The following TNS1 variants were observed in gnomAD, a reference collection of about 807,000 sequenced individuals.
TNS1 encodes the protein tensin 1.
TNS1 carries 62 observed loss-of-function variants against 168.6 expected under a neutral mutation model. That is an observed-to-expected ratio of 0.37 (90% confidence interval 0.30 to 0.45). The LOEUF (loss-of-function observed/expected upper bound fraction) is 0.45, where lower values mean the gene tolerates loss of function less well. Among genes scored for constraint, TNS1 ranks in the 20% least tolerant of loss-of-function variants. The pLI, the probability that TNS1 is intolerant of heterozygous loss-of-function variation, is 1.00. For missense variants in TNS1, 2,240 were observed against 2,339.4 expected, an observed-to-expected ratio of 0.96 and a Z score of 0.88; for synonymous variants, 934 against 933.2, an observed-to-expected ratio of 1.00 and a Z score of -0.02.
intron 3 of TNS1, among the ~76,000 whole-genome samples, chr2:217,954,177 T>C (rs1957306303): frequency 6.6e-6 from 1 of 152,184 alleles, no homozygotes; most frequent in African/African-American, 2.4e-5. Flanking sequence ...GTGCCGCATG[T>C]GGAAGGAGGC....
intron 18 of TNS1, among the ~76,000 whole-genome samples, chr2:217,858,102 A>C (rs1948372394): frequency 6.6e-6 from 1 of 152,162 alleles, no homozygotes; most frequent in South Asian, 2.1e-4. Flanking sequence ...GTCCTGAATA[A>C]CATCTCACCA....
chr2:217,991,282 G>A (rs200849199), intron 1 of TNS1, among the ~76,000 whole-genome samples: 2 of 151,712 alleles, frequency 1.3e-5, no homozygotes, highest in East Asian at 1.9e-4. Flanking sequence ...GACGGCAGCT[G>A]GAGAGTCCAG....
chr2:217,966,308 TGCGCGCGCGC>T (rs1553621681), intron 3 of TNS1, among the ~76,000 whole-genome samples: 2 of 133,672 alleles, frequency 1.5e-5, no homozygotes, highest in Non-Finnish European at 1.6e-5. Flanking sequence ...TGTGTGTGTG[TGCGCGCGCGC>T]GCGTGTGTAA....
At chr2:217,960,623 C>T (rs1957472948) in intron 3 of TNS1, among the ~76,000 whole-genome samples, 1 of 152,192 alleles carries the variant, frequency 6.6e-6, no homozygotes, top group Non-Finnish European at 1.5e-5. Flanking sequence ...TCCACACCTC[C>T]AGACACACAC....
intron 20 of TNS1, 56 bp from the exon 21 acceptor site, chr2:217,835,222 C>T (rs766991893): frequency 1.3e-6 from 2 of 1,533,984 alleles, no homozygotes; most frequent in East Asian, 2.4e-5. Context: ...AGAGATTTCC[C>T]CTTCAGATGA....
chr2:217,815,072 C>A, intron 24 of TNS1, 74 bp from the exon 25 acceptor site: 3 of 1,234,290 alleles, frequency 2.4e-6, no homozygotes, highest in Non-Finnish European at 3.5e-6. Flanking sequence ...AAGTCCTGGC[C>A]CCCAGTGCTT....
At chr2:218,019,539 G>A (rs765003704) in intron 1 of TNS1, among the ~76,000 whole-genome samples, 1 of 152,172 alleles carries the variant, frequency 6.6e-6, no homozygotes, top group Non-Finnish European at 1.5e-5. Flanking sequence ...AGGACTCACG[G>A]GGCCTCTTTC....
At chr2:217,934,099 T>C (rs1320936943) in intron 3 of TNS1, among the ~76,000 whole-genome samples, 2 of 152,094 alleles carry the variant, frequency 1.3e-5, no homozygotes, top group Non-Finnish European at 2.9e-5. Flanking sequence ...AGCGGAGAAA[T>C]GTGTTGGCCA....
At chr2:218,010,472 C>G (rs1958696207), upstream of TNS1, 1 of 331,886 alleles carries the variant, frequency 3.0e-6, no homozygotes, top group Non-Finnish European at 5.4e-6. Context: ...CTTACACCCT[C>G]AGGGACTCTT....
intron 3 of TNS1, among the ~76,000 whole-genome samples, chr2:217,926,853 C>G (rs373590378): frequency 3.3e-5 from 5 of 152,224 alleles, no homozygotes; most frequent in Admixed American, 6.5e-5. Flanking sequence ...GGTATCAGGG[C>G]TCACCCAGGT....
In TNS1 at chr2:217,880,410, G is replaced by C. The variant is rs1394863834; in HGVS notation, c.1429+488C>G. Among the ~76,000 whole-genome samples, 4 of 152,140 alleles carry C rather than the reference G, an allele frequency of 2.6e-5. No homozygotes were observed. The highest frequency in any genetic ancestry group is 6.5e-5 in the Admixed American group (1 of 15,288). ...AAAGCTTGTAGGCCCTAGATCCTGT[G>C]CCTCTGTTCCTAGTACTCTGACCCC... On this transcript the variant is annotated intron_variant, in intron 18 of 32. Transcript: ENST00000682258. The surrounding 1 kb of genome is among the most constrained non-coding windows in gnomAD (Gnocchi z 4.2).
intron 1 of TNS1, among the ~76,000 whole-genome samples, chr2:218,029,060 C>T (rs186064949): frequency 5.1e-4 from 78 of 152,322 alleles, no homozygotes; most frequent in African/African-American, 1.4e-3. Flanking sequence ...ATAGAGGGTG[C>T]AGCCCTATCT....
At chr2:217,822,946 G>A (rs1169222299) in intron 22 of TNS1, among the ~76,000 whole-genome samples, 1 of 152,204 alleles carries the variant, frequency 6.6e-6, no homozygotes, top group Non-Finnish European at 1.5e-5. Context: ...CCCTGTCCCT[G>A]TCTTACCCAG....
In TNS1 at chr2:217,810,032, G is replaced by A. The variant is rs151038574; in HGVS notation, c.5105-41C>T. 2.5e-4 allele frequency: 396 copies of A among 1,600,162 alleles called. 2 individuals carry two copies. The African/African-American group carries it at 4.1e-3, about 17-fold the overall frequency. ...CCAAGGGGGAGTCATGGGAGCTGGC[G>A]TGGGTGAGGACATTAACCCAGATCC... is the stretch of plus-strand genomic sequence containing the variant. On this transcript the variant is annotated intron_variant, in intron 29 of 32. Coordinates refer to ENST00000682258, the MANE Select transcript of TNS1 (RefSeq NM_001387777.1).
chr2:217,977,204 T>C (rs1957917657), intron 3 of TNS1, among the ~76,000 whole-genome samples: 1 of 151,152 alleles, frequency 6.6e-6, no homozygotes, highest in Non-Finnish European at 1.5e-5. Context: ...AGTTCTGGAG[T>C]TTAAGGCAAA....
intron 32 of TNS1, among the ~76,000 whole-genome samples, chr2:217,805,118 T>C (rs1938252971): frequency 6.6e-6 from 1 of 150,778 alleles, no homozygotes; most frequent in Non-Finnish European, 1.5e-5. Context: ...CTTCCTGGGC[T>C]CAAGAACCTT....
chr2:217,985,363 C>T (rs1426946098), intron 2 of TNS1: 1 of 152,134 alleles, frequency 6.6e-6, no homozygotes, highest in Non-Finnish European at 1.5e-5. Context: ...TTTAATCCCA[C>T]AGTACCTGAT....
intron 2 of TNS1, 132 bp from the exon 3 acceptor site, chr2:217,978,934 GGA>G: frequency 1.5e-6 from 1 of 660,060 alleles, no homozygotes; most frequent in African/African-American, 1.8e-5. Flanking sequence ...ACGGAGGGAA[GGA>G]GAGAGGGAGA....
chr2:218,012,886 G>A (rs1021495092), upstream of TNS1, among the ~76,000 whole-genome samples: 3 of 151,984 alleles, frequency 2.0e-5, no homozygotes, highest in African/African-American at 7.3e-5. Context: ...TTGGGTGGGG[G>A]GTTCTAATCC....
Sources: allele counts gnomAD v4.1 joint callset (sites outside exome capture counted in the v4.1 genomes callset), GRCh38; gene constraint gnomAD v4.1.1; non-coding constraint Gnocchi (gnomAD v3.1); transcripts MANE v1.5; gene names NCBI Gene and HGNC (gene_info 2026-07-23, HGNC 2026-07-21).